PLCL1: variants seen among roughly 807,000 people sequenced by gnomAD.
PLCL1 encodes inactive phospholipase C-like protein 1.
A neutral mutation model predicts 84.4 loss-of-function variants in PLCL1; 41 were observed. The ratio of observed to expected loss-of-function variants is 0.49; its 90% CI spans 0.38 to 0.63. PLCL1 has a LOEUF of 0.63. Ranked by LOEUF, PLCL1 falls within the 30% of genes least tolerant of loss-of-function variation. The pLI is 0.00. For synonymous variants in PLCL1, 490 were observed against 488.3 expected (o/e 1.00, Z -0.05); for missense variants, 1,206 against 1,367.8 (o/e 0.88, Z 1.87).
At chr2:198,100,623 A>G (rs905031298) in intron 3 of PLCL1, among the ~76,000 whole-genome samples, 1 of 152,122 alleles carries the variant, frequency 6.6e-6, no homozygotes, top group African/African-American at 2.4e-5. Flanking sequence ...AGCAAGGGAG[A>G]AAATGACAAA....
intron 1 of PLCL1, among the ~76,000 whole-genome samples, chr2:197,979,604 A>G (rs1690062849): frequency 1.3e-5 from 2 of 152,192 alleles, no homozygotes; most frequent in Admixed American, 6.5e-5. Context: ...TATTGCTTCC[A>G]GAATTAAGTC....
At position 198,056,226 on chromosome 2, in the gene PLCL1, G is replaced by A. The variant is rs190660425; in HGVS notation, c.241-27532G>A. On this transcript the variant is annotated intron_variant, in intron 1 of 5. Coordinates refer to ENST00000428675, the MANE Select transcript of PLCL1 (RefSeq NM_006226.4). ...CTGCTAATTAAAAACAAAACAACTG[G>A]AAAATTCTAGCAACAGAATTTTTCA... 2.0e-5 allele frequency among the ~76,000 whole-genome samples: 3 copies of A among 152,226 alleles called. No homozygotes were observed. In the East Asian group the frequency reaches 5.8e-4, roughly 29 times the overall value.
At chr2:197,983,556 G>T (rs1259162783) in intron 1 of PLCL1, among the ~76,000 whole-genome samples, 1 of 152,050 alleles carries the variant, frequency 6.6e-6, no homozygotes, top group South Asian at 2.1e-4. Flanking sequence ...TCTATAAAAG[G>T]TTTATTAGCA....
intron 1 of PLCL1, among the ~76,000 whole-genome samples, chr2:197,980,658 G>A (rs1424694620): frequency 1.3e-5 from 2 of 152,102 alleles, no homozygotes; most frequent in African/African-American, 4.8e-5. Context: ...GAAGTCTCCT[G>A]GCCACTGGAA....
chr2:197,891,065 T>G (rs1688017892), intron 1 of PLCL1, among the ~76,000 whole-genome samples: 1 of 151,706 alleles, frequency 6.6e-6, no homozygotes, highest in Non-Finnish European at 1.5e-5. Flanking sequence ...TTAGTATAAG[T>G]AATGCTATAG....
chr2:198,002,077 G>T (rs987325935), intron 1 of PLCL1: 13 of 346,672 alleles, frequency 3.7e-5, no homozygotes, highest in African/African-American at 2.3e-4. Context: ...CACAATAAAT[G>T]TAATGTGCTT....
At chr2:197,818,369 C>T (rs1199843248) in intron 1 of PLCL1, among the ~76,000 whole-genome samples, 1 of 152,116 alleles carries the variant, frequency 6.6e-6, no homozygotes, top group Admixed American at 6.6e-5. Flanking sequence ...ACCCTTTTCC[C>T]CAGGCTGAGT....
At chr2:197,903,127 C>G (rs966068) in intron 1 of PLCL1, among the ~76,000 whole-genome samples, 1 of 152,112 alleles carries the variant, frequency 6.6e-6, no homozygotes, top group African/African-American at 2.4e-5. Flanking sequence ...GTTAGTTAGG[C>G]GAAACCACGA....
chr2:197,806,338 C>T (rs2106412409), intron 1 of PLCL1, among the ~76,000 whole-genome samples: 1 of 152,236 alleles, frequency 6.6e-6, no homozygotes, highest in East Asian at 1.9e-4. Flanking sequence ...GAAAGATGGA[C>T]TTTTACTTAC....
At chr2:197,996,370 A>G (rs943293432) in intron 1 of PLCL1, among the ~76,000 whole-genome samples, 7 of 152,202 alleles carry the variant, frequency 4.6e-5, no homozygotes, top group African/African-American at 4.8e-5. Flanking sequence ...ATGGTAGATA[A>G]ATGACATTAT....
At chr2:197,947,237 A>AAT (rs55700681) in intron 1 of PLCL1, among the ~76,000 whole-genome samples, 39,387 of 142,480 alleles carry the variant, frequency 0.28, 5,338 homozygotes, top group Middle Eastern at 0.43. Flanking sequence ...TGCTTAGATA[A>AAT]ATATATATAT....
intron 1 of PLCL1, among the ~76,000 whole-genome samples, chr2:197,912,918 A>G (rs1040412763): frequency 6.8e-6 from 1 of 147,892 alleles, no homozygotes; most frequent in African/African-American, 2.5e-5. Flanking sequence ...AACCTGCACA[A>G]TGTGCACATG....
At chr2:197,950,610 A>G (rs1193105715) in intron 1 of PLCL1, among the ~76,000 whole-genome samples, 2 of 152,182 alleles carry the variant, frequency 1.3e-5, no homozygotes, top group African/African-American at 4.8e-5. Flanking sequence ...AGTGCCTTGA[A>G]AGTACTCTAC....
Position 197,804,971 on chromosome 2 carries a change from C to T in PLCL1, c.-129C>T. ...GCCGCCGCCGCCGCCGCCGCCACTG[C>T]CGCCGCTGGGCGGTGAAACAAAGTC... is the stretch of plus-strand genomic sequence containing the variant. On this transcript the variant is annotated 5_prime_UTR_variant, in exon 1 of 6. Coordinates refer to ENST00000428675, the MANE Select transcript of PLCL1 (RefSeq NM_006226.4). 1.7e-6 allele frequency: 2 copies of T among 1,189,926 alleles called. No homozygotes were observed. The highest frequency in any genetic ancestry group is 1.5e-5 in the South Asian group (1 of 64,848). The allele number at this position is 1,189,926 out of a possible 1,614,324, so 73.7% of individuals were successfully genotyped here. A position where few individuals can be genotyped will look rare whatever the true frequency, so the allele number is the denominator to read the frequency against.
intron 1 of PLCL1, among the ~76,000 whole-genome samples, chr2:197,853,058 GCTTT>G (rs1687269361): frequency 6.6e-6 from 1 of 151,990 alleles, no homozygotes. Context: ...CCACTATTCT[GCTTT>G]CTGTCTTTAT....
chr2:198,094,578 A>G (rs546919459), intron 3 of PLCL1, among the ~76,000 whole-genome samples: 2 of 152,278 alleles, frequency 1.3e-5, no homozygotes, highest in East Asian at 3.9e-4. Flanking sequence ...TTTCAAAATT[A>G]CAACCAGTTC....
At chr2:197,978,708 G>T (rs1690039552) in intron 1 of PLCL1, among the ~76,000 whole-genome samples, 1 of 152,162 alleles carries the variant, frequency 6.6e-6, no homozygotes, top group Non-Finnish European at 1.5e-5. Context: ...GCCTATTCTG[G>T]CAGCTCAGCG....
chr2:198,119,426 G>A (rs907562439), intron 5 of PLCL1, among the ~76,000 whole-genome samples: 56 of 151,912 alleles, frequency 3.7e-4, no homozygotes, highest in South Asian at 1.0e-3. Flanking sequence ...GCTTACCTCC[G>A]TGTCTTCACA....
chr2:197,963,816 A>G (rs572992513), intron 1 of PLCL1, among the ~76,000 whole-genome samples: 12 of 152,230 alleles, frequency 7.9e-5, no homozygotes, highest in Non-Finnish European at 1.6e-4. Flanking sequence ...ATGGCTATCC[A>G]GTTTTCCCAG....
Sources: gnomAD v4.1 joint callset for allele counts (sites outside exome capture counted in the v4.1 genomes callset) on GRCh38, gnomAD v4.1.1 for gene constraint, MANE v1.5 for transcripts, NCBI Gene and HGNC (gene_info 2026-07-23, HGNC 2026-07-21) for gene names.